The following PBXIP1 variants were observed in gnomAD, a reference collection of about 807,000 sequenced individuals.
PBXIP1 encodes pre-B-cell leukemia transcription factor-interacting protein 1.
In PBXIP1, 73 loss-of-function variants were observed where a neutral mutation model predicts 73.7. The observed-to-expected ratio is 0.99, with a 90% CI of 0.82 to 1.20. The LOEUF (loss-of-function observed/expected upper bound fraction) is 1.20. Ranked by LOEUF, PBXIP1 falls within the 50% of genes most tolerant of loss-of-function variation. The pLI, the probability that PBXIP1 is intolerant of heterozygous loss-of-function variation, is 0.00. For synonymous variants in PBXIP1, 330 were observed against 366.9 expected (o/e 0.90, Z 1.15); for missense variants, 818 against 911.4 (o/e 0.90, Z 1.32).
intron 5 of PBXIP1, 181 bp from the exon 6 acceptor site, chr1:154,948,547 C>T (rs1430736954): frequency 1.7e-6 from 1 of 577,824 alleles, no homozygotes; most frequent in Non-Finnish European, 3.1e-6. Context: ...TGTCCCTGCC[C>T]AGTCTGGAGG....
Position 154,951,691 on chromosome 1 carries a change from G to T in PBXIP1, c.178+104C>A. On this transcript the variant is annotated intron_variant, in intron 3 of 10. Transcript: ENST00000368463. The surrounding 1 kb of genome is among the most constrained non-coding windows in gnomAD (Gnocchi z 4.3). The stretch of plus-strand genomic sequence containing the variant: ...AGTTTGTCAACTGAGATTAATGGAG[G>T]AACTAAAACGAACCAGCCTCCCTTT... The T allele has an allele frequency of 1.4e-6, 2 of 1,426,598 alleles. No homozygotes were observed. The highest frequency in any genetic ancestry group is 2.0e-6 in the Non-Finnish European group (2 of 1,023,078). The allele number at this position is 1,426,598 out of a possible 1,614,324, so 88.4% of individuals were successfully genotyped here.
Position 154,951,223 on chromosome 1 carries a change from G to T in PBXIP1, c.409+9C>A. On this transcript the variant is annotated intron_variant, in intron 5 of 10. Coordinates refer to ENST00000368463, the MANE Select transcript of PBXIP1 (RefSeq NM_020524.4). This position sits in a 1 kb window ranked among gnomAD's most constrained non-coding sequence, Gnocchi z 4.3. ...GGAGAGTGACAGGAGAGGCAAGGAA[G>T]ACTCTCACCTGCTTTGGGGGTTGAA... is the stretch of plus-strand genomic sequence containing the variant. 1 of 1,612,454 alleles carries T rather than the reference G, an allele frequency of 6.2e-7. No homozygotes were observed. The highest frequency in any genetic ancestry group is 8.5e-7 in the Non-Finnish European group (1 of 1,178,812).
chr1:154,952,177 A>G (rs1655027160), intron 2 of PBXIP1, among the ~76,000 whole-genome samples: 1 of 152,194 alleles, frequency 6.6e-6, no homozygotes, highest in Non-Finnish European at 1.5e-5. Context: ...AAGGTGAGCT[A>G]GAGCCTACGT....
rs749366117 is a variant in PBXIP1, at chr1:154,945,032, G to A, written c.2188C>T (p.Arg730Trp). The change falls in exon 11 of 11, where the codon CGG (arginine) becomes TGG (tryptophan). Residue 730 changes from arginine to tryptophan, a missense_variant. By Grantham distance (101) the Arg-to-Trp change is moderately radical. Transcript: ENST00000368463. ...CCCTGTGGGGCAGGGTGTCAGCCCCGGTGGTGGTGGTGGTGGCTATGGCTG... is the reference window on the plus strand; with the variant it reads ...CCCTGTGGGGCAGGGTGTCAGCCCCAGTGGTGGTGGTGGTGGCTATGGCTG... ...GHSHSHHHHH[R>W]G 29 of 1,586,632 alleles carry A rather than the reference G, an allele frequency of 1.8e-5. No individual in the cohort carries two copies. Among genetic ancestry groups the A allele is most frequent in the East Asian group, 9.0e-5 (4 of 44,550 alleles).
chr1:154,948,848 AGTG>A (rs1425761925), intron 5 of PBXIP1, among the ~76,000 whole-genome samples: 1 of 152,120 alleles, frequency 6.6e-6, no homozygotes, highest in Non-Finnish European at 1.5e-5. Context: ...ATGAGTCCTT[AGTG>A]TGTAACTCCT....
At chr1:154,945,507 C>T in intron 10 of PBXIP1, 65 bp downstream of exon 10, 6 of 1,506,976 alleles carry the variant, frequency 4.0e-6, no homozygotes, top group Non-Finnish European at 5.4e-6. Context: ...ACTAATGATC[C>T]TTGCTCTTCA....
chr1:154,946,223 T>C lies in PBXIP1; in HGVS notation c.1451A>G (p.Asp484Gly). The change falls in exon 10 of 11, where the codon GAC (aspartate) becomes GGC (glycine). Residue 484 changes from aspartate to glycine, a missense_variant. By Grantham distance (94) the Asp-to-Gly change is moderately conservative. Coordinates refer to ENST00000368463, the MANE Select transcript of PBXIP1 (RefSeq NM_020524.4). ...ATGTTTCCAGTGCTCAGCCTTCCGG[T>C]CTCTCTGCCCATCCCACCACTTTTC... ...GKEKWWDGQR[D>G]RKAEHWKHKK... 2 of 1,614,104 alleles carry C rather than the reference T, an allele frequency of 1.2e-6. No individual in the cohort carries two copies. The highest frequency in any genetic ancestry group is 1.7e-6 in the Non-Finnish European group (2 of 1,180,024).
chr1:154,952,996 C>G (rs1448627355), intron 2 of PBXIP1, among the ~76,000 whole-genome samples: 1 of 152,192 alleles, frequency 6.6e-6, no homozygotes, highest in African/African-American at 2.4e-5. Flanking sequence ...CTCAGAGATG[C>G]CTTTGACAAA....
In PBXIP1 at chr1:154,946,564, G is replaced by C; in HGVS notation, c.1110C>G (p.Gly370=). ...PQGDKAIREQ[G]PREQEPELSF... is the part of the protein sequence containing the mutation. ...TGAGTTCTGGCTCCTGCTCCCTGGG[G>C]CCTTGCTCCCTGATGGCCTTGTCAC... Residue 370 remains glycine (G), a synonymous_variant, in exon 10 of 11, where the codon GGC becomes GGG. Coordinates refer to ENST00000368463, the MANE Select transcript of PBXIP1 (RefSeq NM_020524.4). 6.2e-7 allele frequency: 1 copy of C among 1,612,892 alleles called. No homozygotes were observed. The highest frequency in any genetic ancestry group is 8.5e-7 in the Non-Finnish European group (1 of 1,180,024).
At position 154,951,943 on chromosome 1, in the gene PBXIP1, G is replaced by C. The variant is rs1358132173; in HGVS notation, c.52-22C>G. 5 of 1,596,358 alleles carry C rather than the reference G, an allele frequency of 3.1e-6. No homozygotes were observed. Among genetic ancestry groups the C allele is most frequent in the African/African-American group, 1.4e-5 (1 of 73,652 alleles). On this transcript the variant is annotated intron_variant, in intron 2 of 10. Transcript: ENST00000368463. The surrounding 1 kb of genome is among the most constrained non-coding windows in gnomAD (Gnocchi z 4.3). ...GGCTCTGGGAGGAGAAGTGCAAGGA[G>C]AAGGGCTGCACCCAAGAATGGGGCC...
In PBXIP1 at chr1:154,945,713, A is replaced by G. The variant is rs1654782408; in HGVS notation, c.1961T>C (p.Leu654Pro). 6.2e-7 allele frequency: 1 copy of G among 1,614,090 alleles called. No individual in the cohort carries two copies. The highest frequency in any genetic ancestry group is 8.5e-7 in the Non-Finnish European group (1 of 1,180,046). Reference protein sequence around the residue: ...GEDGIFRHDRLRFRDFVDALE... With the variant: ...GEDGIFRHDRPRFRDFVDALE... Reference sequence around the variant, plus strand: ...GGCATCCACAAAATCCCGGAAGCGGAGGCGGTCATGACGGAAGATGCCATC... The same window carrying G: ...GGCATCCACAAAATCCCGGAAGCGGGGGCGGTCATGACGGAAGATGCCATC... Residue 654 changes from leucine (L) to proline (P), a missense_variant, in exon 10 of 11, where the codon CTC becomes CCC. Coordinates refer to ENST00000368463, the MANE Select transcript of PBXIP1 (RefSeq NM_020524.4).
chr1:154,945,117 C>T lies in PBXIP1; in HGVS notation c.2103G>A (p.Arg701=), dbSNP rs1296955379. 5 of 1,611,834 alleles carry T rather than the reference C, an allele frequency of 3.1e-6. No homozygotes were observed. The highest frequency in any genetic ancestry group is 4.2e-6 in the Non-Finnish European group (5 of 1,177,932). Residue 701 remains arginine (R), a splice_region_variant and synonymous_variant, in exon 11 of 11, where the codon AGG becomes AGA. Coordinates refer to ENST00000368463, the MANE Select transcript of PBXIP1 (RefSeq NM_020524.4). ...HFFGDKALKK[R]SGKKDKHSQS... Reference sequence around the variant, plus strand: ...GTGAGTGCTTGTCCTTCTTCCCTGACCTGTGGGGAGGAAGAGGCCTTTAGG... The same window carrying T: ...GTGAGTGCTTGTCCTTCTTCCCTGATCTGTGGGGAGGAAGAGGCCTTTAGG...
intron 1 of PBXIP1, among the ~76,000 whole-genome samples, chr1:154,953,969 C>T (rs765352597): frequency 2.0e-5 from 3 of 152,202 alleles, no homozygotes; most frequent in Non-Finnish European, 4.4e-5. Flanking sequence ...AGAAGCCAGC[C>T]TCTTCCAGGG....
In PBXIP1 at chr1:154,945,848, G is replaced by T. The variant is rs773558347; in HGVS notation, c.1826C>A (p.Pro609Gln). The stretch of plus-strand genomic sequence containing the variant: ...AGAGGCCAGCTCCTGTTGCCGCACT[G>T]GGGCTAGCTCTGTGCCAAAGAAAGT... ...GLTFFGTELA[P>Q]VRQQELASLL... Residue 609 changes from proline (P) to glutamine (Q), a missense_variant, in exon 10 of 11, where the codon CCA (proline) becomes CAA (glutamine). Physicochemically the swap from Pro to Gln is moderately conservative, Grantham distance 76. Coordinates refer to ENST00000368463, the MANE Select transcript of PBXIP1 (RefSeq NM_020524.4). The T allele has an allele frequency of 1.1e-5, 18 of 1,614,186 alleles. No homozygotes were observed. The highest frequency in any genetic ancestry group is 1.3e-5 in the Non-Finnish European group (15 of 1,180,008).
rs1477848794 is a variant in PBXIP1 at position 154,951,221 on chromosome 1, A to G, written c.409+11T>C. The G allele has an allele frequency of 9.3e-6, 15 of 1,611,582 alleles. No homozygotes were observed. Among genetic ancestry groups the G allele is most frequent in the Non-Finnish European group, 1.3e-5 (15 of 1,178,090 alleles). On this transcript the variant is annotated intron_variant, in intron 5 of 10. Coordinates refer to ENST00000368463, the MANE Select transcript of PBXIP1 (RefSeq NM_020524.4). The surrounding 1 kb of genome is among the most constrained non-coding windows in gnomAD (Gnocchi z 4.3). The stretch of plus-strand genomic sequence containing the variant: ...AAGGAGAGTGACAGGAGAGGCAAGG[A>G]AGACTCTCACCTGCTTTGGGGGTTG...
chr1:154,951,524 G>C lies in PBXIP1; in HGVS notation c.190C>G (p.Gln64Glu). 1 of 1,613,946 alleles carries C rather than the reference G, an allele frequency of 6.2e-7. No homozygotes were observed. The highest frequency in any genetic ancestry group is 8.5e-7 in the Non-Finnish European group (1 of 1,179,830). ...GTMDGEGTLF[Q>E]TESPQSGSIL... Reference sequence around the variant, plus strand: ...CTGCCAGACTGAGGGCTTTCAGTCTGGAAGAGCGTCCCTGCGGTAGGAGAA... The same window carrying C: ...CTGCCAGACTGAGGGCTTTCAGTCTCGAAGAGCGTCCCTGCGGTAGGAGAA... The change falls in exon 4 of 11, where the codon CAG becomes GAG. Residue 64 changes from glutamine (Q) to glutamate (E), a missense_variant. Physicochemically the swap from Gln to Glu is conservative, Grantham distance 29. Coordinates refer to ENST00000368463, the MANE Select transcript of PBXIP1 (RefSeq NM_020524.4). The surrounding 1 kb of genome is among the most constrained non-coding windows in gnomAD (Gnocchi z 4.3).
chr1:154,951,544 G>A lies in PBXIP1; in HGVS notation c.179-9C>T. 1 of 1,612,728 alleles carries A rather than the reference G, an allele frequency of 6.2e-7. No homozygotes were observed. The highest frequency in any genetic ancestry group is 1.3e-5 in the African/African-American group (1 of 74,726). On this transcript the variant is annotated splice_polypyrimidine_tract_variant and intron_variant, in intron 3 of 10. Coordinates refer to ENST00000368463, the MANE Select transcript of PBXIP1 (RefSeq NM_020524.4). The surrounding 1 kb of genome is among the most constrained non-coding windows in gnomAD (Gnocchi z 4.3). The stretch of plus-strand genomic sequence containing the variant: ...AGTCTGGAAGAGCGTCCCTGCGGTA[G>A]GAGAAAAGGCGCAGAAAAACCCACT...
In PBXIP1 at chr1:154,945,644, T is replaced by C; in HGVS notation, c.2030A>G (p.Asp677Gly). The change falls in exon 10 of 11, where the codon GAT (aspartate) becomes GGT (glycine). Residue 677 changes from aspartate to glycine, a missense_variant. Transcript: ENST00000368463. ...LEEVAVQQTG[D>G]DDEVDDFEDF... Reference sequence around the variant, plus strand: ...CTCAAAGTCATCTACTTCATCATCATCACCTGTCTGTTGCACAGCCACCTC... The same window carrying C: ...CTCAAAGTCATCTACTTCATCATCACCACCTGTCTGTTGCACAGCCACCTC... 1 of 1,614,144 alleles carries C rather than the reference T, an allele frequency of 6.2e-7. No homozygotes were observed. The highest frequency in any genetic ancestry group is 8.5e-7 in the Non-Finnish European group (1 of 1,179,984).
intron 2 of PBXIP1, 106 bp from the exon 3 acceptor site, chr1:154,952,027 G>T: frequency 8.0e-7 from 1 of 1,252,722 alleles, no homozygotes; most frequent in Non-Finnish European, 1.1e-6. Flanking sequence ...AAAGGGGCTC[G>T]GGGCAGCACC....
Sources: gnomAD v4.1 joint callset for allele counts (sites outside exome capture counted in the v4.1 genomes callset) on GRCh38, gnomAD v4.1.1 for gene constraint, Gnocchi (gnomAD v3.1) non-coding constraint, MANE v1.5 for transcripts, NCBI Gene and HGNC (gene_info 2026-07-23, HGNC 2026-07-21) for gene names.